The following SNTB2 variants were observed in gnomAD, a reference collection of about 807,000 sequenced individuals.
SNTB2 encodes syntrophin beta 2, also known as beta-2-syntrophin.
Under a neutral mutation model 46.2 loss-of-function variants are expected in SNTB2, and 34 were observed. The ratio of observed to expected loss-of-function variants is 0.74; its 90% CI spans 0.56 to 0.98. The LOEUF is 0.98. Ranked by LOEUF, SNTB2 falls within the 50% of genes least tolerant of loss-of-function variation. The probability of loss-of-function intolerance (pLI) is 0.00; values close to 1 mark genes in which losing one functional copy is unlikely to be tolerated. For synonymous variants in SNTB2, 290 were observed against 312.6 expected (o/e 0.93, Z 0.76); for missense variants, 603 against 731.4 (o/e 0.82, Z 2.02).
intron 5 of SNTB2, among the ~76,000 whole-genome samples, chr16:69,298,668 T>C (rs1965249760): frequency 6.6e-6 from 1 of 151,860 alleles, no homozygotes; most frequent in Non-Finnish European, 1.5e-5. Context: ...ATTACAGGCA[T>C]GTGCCACCAT....
intron 1 of SNTB2, among the ~76,000 whole-genome samples, chr16:69,242,534 A>C (rs754405087): frequency 1.4e-4 from 21 of 152,374 alleles, no homozygotes; most frequent in Non-Finnish European, 2.6e-4. Flanking sequence ...TTAAATATAC[A>C]GAACAACATA....
intron 5 of SNTB2, among the ~76,000 whole-genome samples, chr16:69,298,615 A>T (rs1219565923): frequency 7.3e-6 from 1 of 137,120 alleles, no homozygotes; most frequent in Non-Finnish European, 1.5e-5. Flanking sequence ...TCTGCCTCCC[A>T]GGTGCAAGCA....
chr16:69,287,704 C>G (rs901805413), intron 5 of SNTB2, among the ~76,000 whole-genome samples: 1 of 151,628 alleles, frequency 6.6e-6, no homozygotes, highest in Non-Finnish European at 1.5e-5. Flanking sequence ...ACTAAAAATA[C>G]AAAAATTAGC....
chr16:69,191,042 T>G (rs1964045971), intron 1 of SNTB2: 1 of 152,008 alleles, frequency 6.6e-6, no homozygotes, highest in African/African-American at 2.4e-5. Flanking sequence ...GTCGTTAAAA[T>G]AACATCCAGG....
At chr16:69,240,447 G>A (rs1964600386) in intron 1 of SNTB2, 1 of 152,186 alleles carries the variant, frequency 6.6e-6, no homozygotes, top group African/African-American at 2.4e-5. Flanking sequence ...TCGTGTTTTT[G>A]GTGGTCATTT....
At chr16:69,270,923 A>C (rs568601631) in intron 4 of SNTB2, among the ~76,000 whole-genome samples, 93 of 152,316 alleles carry the variant, frequency 6.1e-4, no homozygotes, top group Non-Finnish European at 1.1e-3. Context: ...TGGACTTAAC[A>C]AAAGAATCAG....
chr16:69,211,536 GAAAA>G (rs71254074), intron 1 of SNTB2, among the ~76,000 whole-genome samples: 33 of 96,052 alleles, frequency 3.4e-4, no homozygotes, highest in Non-Finnish European at 5.7e-4. Context: ...CATCTCAAGG[GAAAA>G]AAAAAAAAAA....
chr16:69,295,978 A>T (rs947811662), intron 5 of SNTB2, among the ~76,000 whole-genome samples: 12 of 152,100 alleles, frequency 7.9e-5, no homozygotes, highest in Admixed American at 7.9e-4. Flanking sequence ...ATCTGGTATT[A>T]ATTATACATT....
At chr16:69,221,648 C>T (rs1964406186) in intron 1 of SNTB2, among the ~76,000 whole-genome samples, 1 of 152,084 alleles carries the variant, frequency 6.6e-6, no homozygotes, top group South Asian at 2.1e-4. Context: ...TGGTGGCGCA[C>T]GCCTGTAATC....
At chr16:69,292,414 TATATTATATA>T (rs1965178298) in intron 5 of SNTB2, among the ~76,000 whole-genome samples, 1 of 17,504 alleles carries the variant, frequency 5.7e-5, no homozygotes, top group Admixed American at 8.8e-4. Flanking sequence ...ATATTATATA[TATATTATATA>T]TATATATATA....
intron 1 of SNTB2, among the ~76,000 whole-genome samples, chr16:69,218,583 G>A (rs979737704): frequency 1.3e-5 from 2 of 151,816 alleles, no homozygotes; most frequent in Non-Finnish European, 1.5e-5. Context: ...CACCACACCC[G>A]GCTAATGTTT....
At chr16:69,229,470 T>G (rs1460956087) in intron 1 of SNTB2, among the ~76,000 whole-genome samples, 1 of 147,786 alleles carries the variant, frequency 6.8e-6, no homozygotes, top group Non-Finnish European at 1.5e-5. Context: ...GTGGCCTGCC[T>G]GAATTTTTTT....
chr16:69,243,932 C>T (rs920093441), intron 1 of SNTB2, among the ~76,000 whole-genome samples: 4 of 151,912 alleles, frequency 2.6e-5, no homozygotes, highest in Non-Finnish European at 4.4e-5. Context: ...TTTTTAATAA[C>T]GTATAAGAAA....
chr16:69,260,063 C>T lies in SNTB2; in HGVS notation c.808C>T (p.His270Tyr). Residue 270 changes from histidine (H) to tyrosine (Y), a missense_variant, in exon 3 of 7, where the codon CAT becomes TAT. Physicochemically the swap from His to Tyr is moderately conservative, Grantham distance 83. Transcript: ENST00000336278. The part of the protein sequence containing the change: ...PDLENRLIEL[H>Y]SPDSRNTLIL... ...TTTTCCACACAGATTGATAGAGCTA[C>T]ATTCTCCTGATAGCAGGAACACGTT... 1 of 1,612,640 alleles carries T rather than the reference C, an allele frequency of 6.2e-7. No individual in the cohort carries two copies.
chr16:69,190,017 C>T (rs1350451525), intron 1 of SNTB2, among the ~76,000 whole-genome samples: 2 of 152,136 alleles, frequency 1.3e-5, no homozygotes, highest in Admixed American at 6.5e-5. Flanking sequence ...AGTAGATTTA[C>T]GACATTGCAT....
chr16:69,218,885 G>A lies in SNTB2; in HGVS notation c.581-26717G>A, dbSNP rs1031368038. ...GACATCTTATCCAAAGCTGCCTTGA[G>A]GCATAAATTCAAAGCAGGAAGAAGG... is the stretch of plus-strand genomic sequence containing the variant. On this transcript the variant is annotated intron_variant, in intron 1 of 6. Coordinates refer to ENST00000336278, the MANE Select transcript of SNTB2 (RefSeq NM_006750.4). 2.0e-5 allele frequency among the ~76,000 whole-genome samples: 3 copies of A among 152,186 alleles called. No homozygotes were observed. The South Asian group carries it at 6.2e-4, about 32-fold the overall frequency.
chr16:69,264,263 C>T (rs1597191809), intron 3 of SNTB2, among the ~76,000 whole-genome samples: 1 of 152,316 alleles, frequency 6.6e-6, no homozygotes, highest in East Asian at 1.9e-4. Context: ...GCCGAGGGCT[C>T]TCGCTCTTCT....
chr16:69,281,974 C>G (rs1303963465), intron 4 of SNTB2, among the ~76,000 whole-genome samples: 2 of 144,978 alleles, frequency 1.4e-5, no homozygotes, highest in Middle Eastern at 3.6e-3. Context: ...AGCGCAATCT[C>G]GGCCACTGCA....
chr16:69,197,742 T>G (rs1964118465), intron 1 of SNTB2, among the ~76,000 whole-genome samples: 1 of 152,230 alleles, frequency 6.6e-6, no homozygotes, highest in African/African-American at 2.4e-5. Flanking sequence ...CTAAATGTCT[T>G]TGATTTGCCT....
Sources: gnomAD v4.1 joint callset for allele counts (sites outside exome capture counted in the v4.1 genomes callset) on GRCh38, gnomAD v4.1.1 for gene constraint, MANE v1.5 for transcripts, NCBI Gene and HGNC (gene_info 2026-07-23, HGNC 2026-07-21) for gene names.